Variants in FBRSL1 observed in about 807,000 individuals in gnomAD.
The protein encoded by FBRSL1 is fibrosin like 1.
A neutral mutation model predicts 89.6 loss-of-function variants in FBRSL1; 51 were observed. The observed-to-expected ratio is 0.57, with a 90% CI of 0.45 to 0.72. The LOEUF is 0.72. Ranked by LOEUF, FBRSL1 falls within the 30% of genes least tolerant of loss-of-function variation. The probability of loss-of-function intolerance (pLI) is 0.00; values close to 1 mark genes in which losing one functional copy is unlikely to be tolerated. For synonymous variants in FBRSL1, 779 were observed against 681.1 expected (o/e 1.14, Z -2.24); for missense variants, 1,618 against 1,451.8 (o/e 1.11, Z -1.86).
chr12:132,490,939 C>A, intron 1 of FBRSL1, 78 bp downstream of exon 1: 1 of 1,063,374 alleles, frequency 9.4e-7, no homozygotes, highest in Non-Finnish European at 1.2e-6. Context: ...GATCCCGGGA[C>A]CCCTGGGCTT....
At chr12:132,536,890 CAT>C (rs775418408) in intron 4 of FBRSL1, among the ~76,000 whole-genome samples, 63 of 152,352 alleles carry the variant, frequency 4.1e-4, no homozygotes, top group South Asian at 1.2e-3. Flanking sequence ...TGGCTGTGCA[CAT>C]GTGTGTACGT....
At position 132,546,710 on chromosome 12, in the gene FBRSL1, C is replaced by T. The variant is rs1236050818; in HGVS notation, c.616-1293C>T. Among the ~76,000 whole-genome samples the T allele has an allele frequency of 1.3e-5, 2 of 152,186 alleles. No individual in the cohort carries two copies. Among genetic ancestry groups the T allele is most frequent in the Admixed American group, 6.5e-5 (1 of 15,276 alleles). On this transcript the variant is annotated intron_variant, in intron 4 of 18. Transcript: ENST00000680143. The surrounding 1 kb of genome is among the most constrained non-coding windows in gnomAD (Gnocchi z 4.0). Reference sequence around the variant, plus strand: ...GGGAGCCTGTCAGCCTCAGGAGACCCCCCCCACAGGCCCACCCCAGCTGCC... The same window carrying T: ...GGGAGCCTGTCAGCCTCAGGAGACCTCCCCCACAGGCCCACCCCAGCTGCC...
rs1411053050 is a variant in FBRSL1 at position 132,546,647 on chromosome 12, C to G, written c.616-1356C>G. 1.3e-5 allele frequency among the ~76,000 whole-genome samples: 2 copies of G among 151,982 alleles called. No individual in the cohort carries two copies. The highest frequency in any genetic ancestry group is 2.4e-5 in the African/African-American group (1 of 41,374). On this transcript the variant is annotated intron_variant, in intron 4 of 18. Coordinates refer to ENST00000680143, the MANE Select transcript of FBRSL1 (RefSeq NM_001367871.1). The surrounding 1 kb of genome is among the most constrained non-coding windows in gnomAD (Gnocchi z 4.0). ...CTTGGCCACGGCTGAAAGGCCAGACCAGGGGGGACCAGCACACAGCCGGGA... is the reference window on the plus strand; with the variant it reads ...CTTGGCCACGGCTGAAAGGCCAGACGAGGGGGGACCAGCACACAGCCGGGA...
intron 2 of FBRSL1, chr12:132,510,995 G>T: frequency 1.0e-6 from 1 of 987,264 alleles, no homozygotes; most frequent in Non-Finnish European, 1.2e-6. Flanking sequence ...GGCGTGCTGG[G>T]CATGAAGGAT....
chr12:132,550,240 G>C (rs1282109400), intron 5 of FBRSL1, among the ~76,000 whole-genome samples: 2 of 152,110 alleles, frequency 1.3e-5, no homozygotes, highest in African/African-American at 4.8e-5. Flanking sequence ...GCAGGGGAGC[G>C]GAGAGGGGCT....
chr12:132,492,558 G>T (rs946070473), intron 1 of FBRSL1, among the ~76,000 whole-genome samples: 2 of 152,252 alleles, frequency 1.3e-5, no homozygotes, highest in Admixed American at 6.5e-5. Flanking sequence ...GTGAGGAGAT[G>T]AACTGTACTC....
intron 15 of FBRSL1, chr12:132,580,938 G>A (rs534667034): frequency 2.6e-5 from 26 of 985,474 alleles, no homozygotes; most frequent in Admixed American, 1.8e-4. Context: ...TGATGTTGAC[G>A]TGGTGCTGTG....
chr12:132,581,605 C>A, intron 16 of FBRSL1, 89 bp downstream of exon 16: 3 of 1,507,046 alleles, frequency 2.0e-6, no homozygotes, highest in South Asian at 1.2e-5. Flanking sequence ...AAGGTGGCCC[C>A]GAGCCCCAGG....
In FBRSL1 at chr12:132,490,581, A is replaced by G. The variant is rs1348823968; in HGVS notation, c.11A>G (p.Lys4Arg). Residue 4 changes from lysine to arginine, a missense_variant, in exon 1 of 19, where the codon AAG becomes AGG. Physicochemically the swap from Lys to Arg is conservative, Grantham distance 26 (BLOSUM62 2). Coordinates refer to ENST00000680143, the MANE Select transcript of FBRSL1 (RefSeq NM_001367871.1). MEAKVRPSRRSRAQ... is the reference protein window; with the variant it reads MEARVRPSRRSRAQ... Reference sequence around the variant, plus strand: ...GGCGCACGCGCGGCCATGGAGGCCAAGGTCCGCCCGAGCCGGCGCTCGCGC... The same window carrying G: ...GGCGCACGCGCGGCCATGGAGGCCAGGGTCCGCCCGAGCCGGCGCTCGCGC... 19 of 981,884 alleles carry G rather than the reference A, an allele frequency of 1.9e-5. No individual in the cohort carries two copies. Among genetic ancestry groups the G allele is most frequent in the Admixed American group, 6.3e-5 (1 of 15,784 alleles). The allele number at this position is 981,884 out of a possible 1,614,324, so 60.8% of individuals were successfully genotyped here. A position where few individuals can be genotyped will look rare whatever the true frequency, so the allele number is the denominator to read the frequency against.
chr12:132,506,961 C>T (rs2033759763), intron 1 of FBRSL1: 1 of 153,632 alleles, frequency 6.5e-6, no homozygotes, highest in South Asian at 2.1e-4. Context: ...CCTCTCAGGG[C>T]CTCCAGCTCA....
At chr12:132,530,600 T>G (rs35463747) in intron 4 of FBRSL1, among the ~76,000 whole-genome samples, 3,854 of 151,922 alleles carry the variant, frequency 0.025, 74 homozygotes, top group Non-Finnish European at 0.04. Flanking sequence ...CACTCATTAT[T>G]CAAGTCTTCT....
In FBRSL1 at chr12:132,490,850, G is replaced by C; in HGVS notation, c.280G>C (p.Glu94Gln). The change falls in exon 1 of 19, where the codon GAG becomes CAG. Residue 94 changes from glutamate (E) to glutamine (Q), a missense_variant. Transcript: ENST00000680143. ...CGCCATCGCCAGCTTCAGCACCCTG[G>C]AGGCCCTGGAGGTAGGTGGACGGGT... ...GFAIASFSTL[E>Q]ALEKDMALKP... 7.1e-7 allele frequency: 1 copy of C among 1,411,918 alleles called. No individual in the cohort carries two copies. The highest frequency in any genetic ancestry group is 9.3e-7 in the Non-Finnish European group (1 of 1,078,294). 87.5% of individuals were successfully genotyped at this position (1,411,918 alleles called of 1,614,324 possible).
chr12:132,580,836 C>G, intron 15 of FBRSL1: 1 of 985,466 alleles, frequency 1.0e-6, no homozygotes, highest in Non-Finnish European at 1.2e-6. Context: ...GGCCCCTGAC[C>G]AACAGCACTG....
rs566692815 is a variant in FBRSL1 at position 132,582,246 on chromosome 12, T to G, written c.2181T>G (p.Asn727Lys). 6.5e-7 allele frequency: 1 copy of G among 1,550,024 alleles called. No homozygotes were observed. The highest frequency in any genetic ancestry group is 8.7e-7 in the Non-Finnish European group (1 of 1,146,788). The change falls in exon 18 of 19, where the codon AAT (asparagine) becomes AAG (lysine). Residue 727 changes from asparagine to lysine, a missense_variant. Asn to Lys is a moderately conservative substitution (Grantham distance 94). Transcript: ENST00000680143. ...ALTNHDREPD[N>K]GKEEQERDLL... ...CCAACCATGACCGAGAGCCGGACAATGGCAAGGAGGAGCAGGAACGGTGAG... is the reference window on the plus strand; with the variant it reads ...CCAACCATGACCGAGAGCCGGACAAGGGCAAGGAGGAGCAGGAACGGTGAG...
At chr12:132,572,419 C>T (rs2040093324) in intron 10 of FBRSL1, 75 bp downstream of exon 10, 1 of 1,520,712 alleles carries the variant, frequency 6.6e-7, no homozygotes. Context: ...GGTGGGGCTG[C>T]CCCTCGCCTG....
chr12:132,572,609 CT>C lies in FBRSL1; in HGVS notation c.1521del (p.Gln508SerfsTer59). On this transcript the variant is annotated frameshift_variant, in exon 11 of 19. Coordinates refer to ENST00000680143, the MANE Select transcript of FBRSL1 (RefSeq NM_001367871.1). LOFTEE classifies it high-confidence loss of function. ...HPGPFGSLQG[A>X]FQPKTSSPIE... ...GGCCCCTTCGGGTCCCTGCAGGGCG[CT>C]TTTCAGCCTAAGGTACCGCTGCCCC... 6.4e-7 allele frequency: 1 copy of C among 1,550,450 alleles called. No homozygotes were observed.
intron 5 of FBRSL1, among the ~76,000 whole-genome samples, chr12:132,564,588 C>T (rs989715791): frequency 6.5e-5 from 8 of 123,190 alleles, no homozygotes; most frequent in African/African-American, 2.5e-4. Flanking sequence ...CTCCGCCTCC[C>T]GGGTTCACGC....
At chr12:132,547,725 G>A (rs2037820980) in intron 4 of FBRSL1, among the ~76,000 whole-genome samples, 1 of 152,206 alleles carries the variant, frequency 6.6e-6, no homozygotes, top group Admixed American at 6.5e-5. Flanking sequence ...TCGGGCTGCA[G>A]GGCCAGTCTT....
At chr12:132,544,967 C>T (rs1400505670) in intron 4 of FBRSL1, among the ~76,000 whole-genome samples, 3 of 152,204 alleles carry the variant, frequency 2.0e-5, no homozygotes, top group Non-Finnish European at 4.4e-5. Flanking sequence ...CTTATTTAAG[C>T]CACACAGTAA....
Sources: allele counts gnomAD v4.1 joint callset (sites outside exome capture counted in the v4.1 genomes callset), GRCh38; gene constraint gnomAD v4.1.1; non-coding constraint Gnocchi (gnomAD v3.1); transcripts MANE v1.5; gene names NCBI Gene and HGNC (gene_info 2026-07-23, HGNC 2026-07-21).